Variants in FGGY observed in about 807,000 individuals in gnomAD.
The protein encoded by FGGY is FGGY carbohydrate kinase domain-containing protein.
Under a neutral mutation model 71.3 loss-of-function variants are expected in FGGY, and 72 were observed. That is an observed-to-expected ratio of 1.01 (90% CI 0.84 to 1.23). FGGY has a LOEUF of 1.23. FGGY is among the 50% of genes most tolerant of loss of function. The pLI is 0.00. For synonymous variants in FGGY, 251 were observed against 250.3 expected, an observed-to-expected ratio of 1.00 and a Z score of -0.02; for missense variants, 668 against 682.3, an observed-to-expected ratio of 0.98 and a Z score of 0.23.
intron 3 of FGGY, among the ~76,000 whole-genome samples, chr1:59,342,720 AT>A (rs1294251255): frequency 6.6e-6 from 1 of 152,184 alleles, no homozygotes; most frequent in African/African-American, 2.4e-5. Flanking sequence ...AATGGGAGTA[AT>A]TGTGAGGAGC....
intron 11 of FGGY, among the ~76,000 whole-genome samples, chr1:59,653,946 G>C (rs2097194783): frequency 6.6e-6 from 1 of 152,174 alleles, no homozygotes; most frequent in Non-Finnish European, 1.5e-5. Flanking sequence ...TGATTACTCT[G>C]GATCCAACCA....
intron 5 of FGGY, among the ~76,000 whole-genome samples, chr1:59,432,154 G>T (rs913954115): frequency 6.6e-6 from 1 of 152,144 alleles, no homozygotes; most frequent in Non-Finnish European, 1.5e-5. Context: ...AGAGCTCCCG[G>T]GTTGGTGAAC....
intron 2 of FGGY, among the ~76,000 whole-genome samples, chr1:59,322,666 A>G (rs2046619131): frequency 6.6e-6 from 1 of 152,228 alleles, no homozygotes; most frequent in Admixed American, 6.5e-5. Flanking sequence ...AGTGTCTCCC[A>G]TATATGCCAG....
rs2046405697 is a variant in FGGY, at chr1:59,321,658, G to T, written c.109G>T (p.Ala37Ser). The T allele has an allele frequency of 6.2e-7, 1 of 1,613,502 alleles. No individual in the cohort carries two copies. Among genetic ancestry groups the T allele is most frequent in the Non-Finnish European group, 8.5e-7 (1 of 1,179,718 alleles). ...CCAGAGTGGGGTCCTGTTGGCTTTT[G>T]CAGACCAGCCAATTAAGAATTGGGA... ...VDQSGVLLAF[A>S]DQPIKNWEPQ... The change falls in exon 2 of 16, where the codon GCA becomes TCA. Residue 37 changes from alanine (A) to serine (S), a missense_variant. Physicochemically the swap from Ala to Ser is moderately conservative, Grantham distance 99 (BLOSUM62 1). Transcript: ENST00000303721.
intron 8 of FGGY, among the ~76,000 whole-genome samples, chr1:59,573,274 A>G (rs2096017736): frequency 6.6e-6 from 1 of 152,188 alleles, no homozygotes; most frequent in Admixed American, 6.5e-5. Context: ...AGTAGATTAG[A>G]TAATAGAATT....
chr1:59,508,863 G>T (rs1570414455), intron 6 of FGGY, among the ~76,000 whole-genome samples: 1 of 152,142 alleles, frequency 6.6e-6, no homozygotes, highest in Non-Finnish European at 1.5e-5. Context: ...AGACAGATTT[G>T]GGGGGATAAG....
At chr1:59,659,820 A>C (rs904472640) in intron 11 of FGGY, among the ~76,000 whole-genome samples, 1 of 152,260 alleles carries the variant, frequency 6.6e-6, no homozygotes, top group African/African-American at 2.4e-5. Context: ...GTCTGACAGT[A>C]GCAGAACTCA....
intron 14 of FGGY, among the ~76,000 whole-genome samples, chr1:59,705,747 G>C (rs1457962944): frequency 6.6e-6 from 1 of 152,194 alleles, no homozygotes; most frequent in Non-Finnish European, 1.5e-5. Flanking sequence ...AACTTCAAAT[G>C]ACTATTGTGA....
In FGGY at chr1:59,530,751, G is replaced by A. The variant is rs577180559; in HGVS notation, c.799+18312G>A. Among the ~76,000 whole-genome samples the A allele has an allele frequency of 1.8e-4, 28 of 152,316 alleles. No homozygotes were observed. In the South Asian group the frequency reaches 5.6e-3, roughly 30 times the overall value. ...GCATGAGGGTACCCCTTTGGCTGCA[G>A]AATACCGAGTATACTATAGTGTAGA... On this transcript the variant is annotated intron_variant, in intron 7 of 15. Coordinates refer to ENST00000303721, the MANE Select transcript of FGGY (RefSeq NM_018291.5).
chr1:59,621,872 T>G (rs938545120), intron 9 of FGGY, among the ~76,000 whole-genome samples: 9 of 152,140 alleles, frequency 5.9e-5, no homozygotes, highest in South Asian at 4.2e-4. Context: ...TTTAATTTTT[T>G]TTTGTTTGTT....
chr1:59,562,507 G>C (rs768637310), intron 8 of FGGY, among the ~76,000 whole-genome samples: 2 of 152,226 alleles, frequency 1.3e-5, no homozygotes, highest in East Asian at 1.9e-4. Context: ...CCATGTTCCT[G>C]GTGGACTTTC....
At chr1:59,662,061 C>T (rs2097280244) in intron 12 of FGGY, among the ~76,000 whole-genome samples, 2 of 145,966 alleles carry the variant, frequency 1.4e-5, no homozygotes, top group African/African-American at 5.0e-5. Flanking sequence ...TGACTCAACG[C>T]CTGTAATCCC....
intron 8 of FGGY, among the ~76,000 whole-genome samples, chr1:59,582,679 A>T (rs1198004299): frequency 2.1e-5 from 3 of 142,154 alleles, no homozygotes; most frequent in African/African-American, 8.7e-5. Flanking sequence ...TCCATGGTAC[A>T]TACCTGTCAT....
At chr1:59,641,144 G>A in intron 11 of FGGY, 1 of 630,934 alleles carries the variant, frequency 1.6e-6, no homozygotes, top group Non-Finnish European at 2.8e-6. Context: ...AGTATGTGCA[G>A]TATTCTAGAG....
intron 5 of FGGY, among the ~76,000 whole-genome samples, chr1:59,454,894 G>A (rs894728531): frequency 6.6e-6 from 1 of 152,212 alleles, no homozygotes; most frequent in South Asian, 2.1e-4. Flanking sequence ...TTTATTAAGT[G>A]AGTGAGTGAA....
chr1:59,706,426 G>A (rs1340618109), intron 14 of FGGY, among the ~76,000 whole-genome samples: 1 of 152,168 alleles, frequency 6.6e-6, no homozygotes, highest in East Asian at 1.9e-4. Flanking sequence ...TATTTATAAA[G>A]TACTTGGCAC....
intron 6 of FGGY, among the ~76,000 whole-genome samples, chr1:59,498,921 G>A (rs1296361636): frequency 6.6e-6 from 1 of 152,214 alleles, no homozygotes; most frequent in African/African-American, 2.4e-5. Flanking sequence ...CTTCATTCAG[G>A]AGTGAGGTCA....
In FGGY at chr1:59,652,831, G is replaced by C. The variant is rs925088375; in HGVS notation, c.1222-7388G>C. On this transcript the variant is annotated intron_variant, in intron 11 of 15. Transcript: ENST00000303721. ...TCCTTTGGAGGAGGAGAGACGCTCTGCGTTTTAGATTTTCCAGTTTTTCTG... is the reference window on the plus strand; with the variant it reads ...TCCTTTGGAGGAGGAGAGACGCTCTCCGTTTTAGATTTTCCAGTTTTTCTG... Among the ~76,000 whole-genome samples the C allele has an allele frequency of 4.6e-5, 7 of 152,302 alleles. No homozygotes were observed. In the South Asian group the frequency reaches 6.2e-4, roughly 14 times the overall value.
chr1:59,309,620 C>G (rs1288951518), intron 1 of FGGY, among the ~76,000 whole-genome samples: 1 of 152,142 alleles, frequency 6.6e-6, no homozygotes, highest in Non-Finnish European at 1.5e-5. Context: ...GTGGAATGGT[C>G]AAGTCTAATG....
Sources: allele counts gnomAD v4.1 joint callset (sites outside exome capture counted in the v4.1 genomes callset), GRCh38; gene constraint gnomAD v4.1.1; transcripts MANE v1.5; gene names NCBI Gene and HGNC (gene_info 2026-07-23, HGNC 2026-07-21).